Variants in CACNB2 observed in about 807,000 individuals in gnomAD.
CACNB2 encodes voltage-dependent L-type calcium channel subunit beta-2.
CACNB2 carries 42 observed loss-of-function variants against 73.3 expected under a neutral mutation model. The ratio of observed to expected loss-of-function variants is 0.57; its 90% CI spans 0.45 to 0.74. The LOEUF (loss-of-function observed/expected upper bound fraction) is 0.74. CACNB2 is among the 30% of genes least tolerant of loss of function. The pLI is 0.00. For synonymous variants in CACNB2, 348 were observed against 310.3 expected, an observed-to-expected ratio of 1.12 and a Z score of -1.28; for missense variants, 940 against 853.0, an observed-to-expected ratio of 1.10 and a Z score of -1.27.
intron 2 of CACNB2, among the ~76,000 whole-genome samples, chr10:18,207,250 C>T (rs1270258756): frequency 6.6e-6 from 1 of 152,166 alleles, no homozygotes; most frequent in Non-Finnish European, 1.5e-5. Context: ...CTCAGGTGAT[C>T]CGCCTACCTC....
At chr10:18,279,438 T>C (rs1486876974) in intron 2 of CACNB2, among the ~76,000 whole-genome samples, 1 of 152,236 alleles carries the variant, frequency 6.6e-6, no homozygotes, top group Non-Finnish European at 1.5e-5. Flanking sequence ...CATGTCTTTG[T>C]CATCTCTGGG....
At chr10:18,305,200 A>G (rs2039681412) in intron 2 of CACNB2, among the ~76,000 whole-genome samples, 2 of 152,246 alleles carry the variant, frequency 1.3e-5, no homozygotes, top group African/African-American at 4.8e-5. Context: ...CGTCTACTTC[A>G]TGGACAGTAA....
intron 2 of CACNB2, among the ~76,000 whole-genome samples, chr10:18,353,144 G>A (rs1203108529): frequency 1.3e-5 from 2 of 152,164 alleles, no homozygotes; most frequent in South Asian, 2.1e-4. Flanking sequence ...AGGTGCGGTG[G>A]CTCATGCCTG....
intron 3 of CACNB2, among the ~76,000 whole-genome samples, chr10:18,456,082 CAAT>C (rs2047263690): frequency 6.6e-6 from 1 of 152,156 alleles, no homozygotes; most frequent in Admixed American, 6.6e-5. Flanking sequence ...TCGTTGTTGT[CAAT>C]TATTCTTCTT....
At chr10:18,340,863 G>A (rs1438239823) in intron 2 of CACNB2, 2 of 1,613,952 alleles carry the variant, frequency 1.2e-6, no homozygotes, top group Non-Finnish European at 8.5e-7. Context: ...AGCTAGTCCT[G>A]AATTCTTGCT....
chr10:18,249,975 C>G (rs892912348), intron 2 of CACNB2, among the ~76,000 whole-genome samples: 5 of 152,182 alleles, frequency 3.3e-5, no homozygotes, highest in African/African-American at 1.2e-4. Flanking sequence ...CCCATCTCCC[C>G]CCTTCCAGCT....
intron 3 of CACNB2, among the ~76,000 whole-genome samples, chr10:18,481,221 TATATATATA>T (rs1296276891): frequency 1.2e-3 from 17 of 14,296 alleles, no homozygotes; most frequent in Non-Finnish European, 1.7e-3. Context: ...TATATATATA[TATATATATA>T]TTTTTTTTTT....
intron 2 of CACNB2, among the ~76,000 whole-genome samples, chr10:18,377,110 G>A (rs1410913101): frequency 6.6e-6 from 1 of 152,120 alleles, no homozygotes. Flanking sequence ...CATATCTCAT[G>A]TACCACATAA....
chr10:18,225,616 T>C (rs1369288441), intron 2 of CACNB2, among the ~76,000 whole-genome samples: 6 of 141,248 alleles, frequency 4.2e-5, no homozygotes, highest in Admixed American at 3.7e-4. Flanking sequence ...TTCCGTCGTT[T>C]CTTCCTTCCT....
At chr10:18,342,175 T>G (rs1214000612) in intron 2 of CACNB2, among the ~76,000 whole-genome samples, 1 of 152,208 alleles carries the variant, frequency 6.6e-6, no homozygotes, top group African/African-American at 2.4e-5. Flanking sequence ...ACTGCTATAT[T>G]TTTTCCTGCA....
At chr10:18,151,909 C>T (rs745514306) in intron 2 of CACNB2, among the ~76,000 whole-genome samples, 3 of 152,166 alleles carry the variant, frequency 2.0e-5, no homozygotes, top group African/African-American at 4.8e-5. Flanking sequence ...TCCCCAGTGC[C>T]GCTTGAGTCC....
At chr10:18,331,916 G>A (rs767714354) in intron 2 of CACNB2, among the ~76,000 whole-genome samples, 1 of 152,210 alleles carries the variant, frequency 6.6e-6, no homozygotes, top group African/African-American at 2.4e-5. Flanking sequence ...GGGGCGCAGG[G>A]TGGGGGCAGT....
At chr10:18,332,038 A>G (rs925479004) in intron 2 of CACNB2, among the ~76,000 whole-genome samples, 1 of 152,120 alleles carries the variant, frequency 6.6e-6, no homozygotes, top group Non-Finnish European at 1.5e-5. Context: ...CAGTGTGGGG[A>G]TGAAGGGGCA....
intron 2 of CACNB2, among the ~76,000 whole-genome samples, chr10:18,158,349 A>G (rs948221662): frequency 6.6e-6 from 1 of 152,206 alleles, no homozygotes; most frequent in African/African-American, 2.4e-5. Flanking sequence ...AAAGTGTTAA[A>G]CATAACCTCT....
rs1253376130 is a variant in CACNB2, at chr10:18,354,663, C to CTCCCCTA, written c.214-47260_214-47259insCCCCTAT. Among the ~76,000 whole-genome samples the CTCCCCTA allele has an allele frequency of 6.6e-5, 10 of 152,208 alleles. No homozygotes were observed. In the East Asian group the frequency reaches 1.4e-3, roughly 21 times the overall value. On this transcript the variant is annotated intron_variant, in intron 2 of 13. Coordinates refer to ENST00000324631, the MANE Select transcript of CACNB2 (RefSeq NM_201596.3). The stretch of plus-strand genomic sequence containing the variant: ...ACAACTATAGGGATGGGGGAACTAT[C>CTCCCCTA]TTTAGAGGAGTCTCAGGACCCAGCA...
At chr10:18,461,134 G>A (rs1379145503) in intron 3 of CACNB2, among the ~76,000 whole-genome samples, 2 of 151,994 alleles carry the variant, frequency 1.3e-5, no homozygotes, top group Non-Finnish European at 2.9e-5. Context: ...TCTCCATGTT[G>A]ATCACCCATC....
intron 2 of CACNB2, among the ~76,000 whole-genome samples, chr10:18,351,718 A>T (rs919504162): frequency 2.6e-5 from 4 of 152,236 alleles, no homozygotes; most frequent in Admixed American, 1.3e-4. Context: ...CAGCATAATA[A>T]ACTAGATTGG....
At chr10:18,148,382 T>C (rs950296943) in intron 1 of CACNB2, among the ~76,000 whole-genome samples, 2 of 152,218 alleles carry the variant, frequency 1.3e-5, no homozygotes, top group Non-Finnish European at 2.9e-5. Flanking sequence ...AGTTGAAAAC[T>C]GTAATAATTT....
intron 3 of CACNB2, among the ~76,000 whole-genome samples, chr10:18,461,736 G>A: frequency 7.1e-6 from 1 of 140,568 alleles, no homozygotes; most frequent in South Asian, 2.4e-4. Context: ...CTGTGCAGGA[G>A]ACCCCTGCTT....
Sources: gnomAD v4.1 joint callset for allele counts (sites outside exome capture counted in the v4.1 genomes callset) on GRCh38, gnomAD v4.1.1 for gene constraint, MANE v1.5 for transcripts, NCBI Gene and HGNC (gene_info 2026-07-23, HGNC 2026-07-21) for gene names.